TIPIN: variants seen among roughly 807,000 people sequenced by gnomAD.
TIPIN encodes TIMELESS interacting protein.
A neutral mutation model predicts 35.6 loss-of-function variants in TIPIN; 29 were observed. That is an observed-to-expected ratio of 0.82 (90% CI 0.61 to 1.11). The LOEUF (loss-of-function observed/expected upper bound fraction) is 1.11. Among genes scored for constraint, TIPIN ranks in the 50% most tolerant of loss-of-function variants. The pLI is 0.00. For synonymous variants in TIPIN, 102 were observed against 121.5 expected, an observed-to-expected ratio of 0.84 and a Z score of 1.06; for missense variants, 296 against 345.4, an observed-to-expected ratio of 0.86 and a Z score of 1.13.
In TIPIN at chr15:66,362,303, TA is replaced by T. The variant is rs746178230; in HGVS notation, c.-8-9349del. Among the ~76,000 whole-genome samples the T allele has an allele frequency of 7.5e-3, 1,042 of 139,302 alleles. 1 individual carries two copies. Among genetic ancestry groups the T allele is most frequent in the African/African-American group, 0.012 (474 of 37,998 alleles). The allele number at this position is 139,302 out of a possible 152,430, so 91.4% of individuals were successfully genotyped here. A position where few individuals can be genotyped will look rare whatever the true frequency, so the allele number is the denominator to read the frequency against. On this transcript the variant is annotated intron_variant, in intron 1 of 7. Coordinates refer to the TIPIN transcript ENST00000562124. Reference sequence around the variant, plus strand: ...GGGCAACAAAGAGCGAAACTCCATCTAAAAAAAAAAAAAGAAGAAGAAGACT... The same window carrying T: ...GGGCAACAAAGAGCGAAACTCCATCTAAAAAAAAAAAAGAAGAAGAAGACT...
chr15:66,349,243 C>A, intron 5 of TIPIN, 72 bp downstream of exon 5: 1 of 1,600,710 alleles, frequency 6.2e-7, no homozygotes. Context: ...CTTTAAACAG[C>A]AATTTAGCCT....
At position 66,337,166 on chromosome 15, in the gene TIPIN, G is replaced by A. The variant is rs751428475; in HGVS notation, c.698C>T (p.Thr233Ile). Residue 233 changes from threonine (T) to isoleucine (I), a missense_variant, in exon 8 of 8, where the codon ACA (threonine) becomes ATA (isoleucine). Coordinates refer to ENST00000261881, the MANE Select transcript of TIPIN (RefSeq NM_017858.3). Reference sequence around the variant, plus strand: ...CTCTTCAACCGTGTGTGCCCTGGGTGTATTCATTAACATATCTGAAAGAAA... The same window carrying A: ...CTCTTCAACCGTGTGTGCCCTGGGTATATTCATTAACATATCTGAAAGAAA... ...QTLGNDMLMN[T>I]PRAHTVEEVN... 6.2e-6 allele frequency: 10 copies of A among 1,613,152 alleles called. No homozygotes were observed. The highest frequency in any genetic ancestry group is 1.6e-4 in the Middle Eastern group (1 of 6,082).
At chr15:66,376,675 C>A (rs971807596) in intron 1 of TIPIN, among the ~76,000 whole-genome samples, 14 of 151,758 alleles carry the variant, frequency 9.2e-5, no homozygotes, top group South Asian at 2.1e-4. Flanking sequence ...GTGACCCCCC[C>A]ACTCTGGCCT....
chr15:66,365,316 C>T (rs79925235), intron 1 of TIPIN, among the ~76,000 whole-genome samples: 2,390 of 152,216 alleles, frequency 0.016, 64 homozygotes, highest in African/African-American at 0.055. Flanking sequence ...CATTCTAATA[C>T]ATTAACATGC....
intron 1 of TIPIN, among the ~76,000 whole-genome samples, chr15:66,374,135 T>A (rs1217246567): frequency 6.6e-6 from 1 of 152,058 alleles, no homozygotes; most frequent in African/African-American, 2.4e-5. Flanking sequence ...AGGATCTTGC[T>A]ATGTTGCCCA....
At chr15:66,357,771 C>A (rs965643150), upstream of TIPIN, among the ~76,000 whole-genome samples, 9 of 152,066 alleles carry the variant, frequency 5.9e-5, no homozygotes, top group Non-Finnish European at 1.2e-4. Flanking sequence ...GCCTAGCCAA[C>A]GTGGTGAAAC....
intron 1 of TIPIN, among the ~76,000 whole-genome samples, chr15:66,366,193 C>A (rs1439199473): frequency 2.0e-5 from 3 of 151,478 alleles, no homozygotes; most frequent in Non-Finnish European, 4.4e-5. Context: ...CAGTGGCTCA[C>A]ACCTGTAATC....
At position 66,380,024 on chromosome 15, in the gene TIPIN, CGGAGTCT is replaced by C. The variant is rs1938830936; in HGVS notation, c.-9+6576_-9+6582del. The C allele has an allele frequency of 2.6e-5, 11 of 430,232 alleles. No individual in the cohort carries two copies. The Admixed American group carries it at 4.2e-4, about 16-fold the overall frequency. The allele number at this position is 430,232 out of a possible 1,614,324, so 26.7% of individuals were successfully genotyped here. On this transcript the variant is annotated intron_variant, in intron 1 of 7. Transcript: ENST00000562124. ...TTTCTTTTTTTTTTTTTTTTTGAGA[CGGAGTCT>C]CGCTCTGTCACCCAGGCTGGAGTGC...
intron 1 of TIPIN, chr15:66,382,792 G>GAT: frequency 3.1e-6 from 1 of 325,624 alleles, no homozygotes; most frequent in Non-Finnish European, 4.4e-6. Context: ...AGAGCAACCT[G>GAT]ATATGGTTCA....
chr15:66,340,841 C>T (rs2093081475), intron 7 of TIPIN, among the ~76,000 whole-genome samples: 1 of 152,142 alleles, frequency 6.6e-6, no homozygotes, highest in Non-Finnish European at 1.5e-5. Flanking sequence ...AAGCGATCCA[C>T]CTACCTTGGC....
intron 1 of TIPIN, among the ~76,000 whole-genome samples, chr15:66,377,661 G>GTT (rs35845765): frequency 2.9e-4 from 43 of 150,332 alleles, no homozygotes; most frequent in South Asian, 4.2e-4. Flanking sequence ...CAGCGCCTGG[G>GTT]TTTTTTTTTG....
At chr15:66,386,334 A>C (rs1303030201) in intron 1 of TIPIN, 4 of 151,960 alleles carry the variant, frequency 2.6e-5, no homozygotes, top group African/African-American at 9.7e-5. Flanking sequence ...AAAAATCATC[A>C]ATCTGCTCTC....
At chr15:66,363,368 G>A (rs142078679) in intron 1 of TIPIN, among the ~76,000 whole-genome samples, 6,299 of 152,072 alleles carry the variant, frequency 0.041, 314 homozygotes, top group African/African-American at 0.11. Flanking sequence ...ATTAGGCCGG[G>A]CACGGTGGCT....
intron 7 of TIPIN, 21 bp from the exon 8 acceptor site, chr15:66,337,202 A>G: frequency 6.3e-7 from 1 of 1,596,374 alleles, no homozygotes; most frequent in Non-Finnish European, 8.6e-7. Flanking sequence ...TCATACCATT[A>G]TTATTCATTA....
chr15:66,368,117 A>G (rs976261507), intron 1 of TIPIN, among the ~76,000 whole-genome samples: 7 of 152,062 alleles, frequency 4.6e-5, no homozygotes, highest in African/African-American at 1.7e-4. Context: ...CAGGCGTGAG[A>G]CCCTACGCCC....
At chr15:66,347,377 C>A (rs199791828) in intron 6 of TIPIN, 1 of 456,234 alleles carries the variant, frequency 2.2e-6, no homozygotes, top group East Asian at 6.0e-5. Flanking sequence ...CCGAGAGCTG[C>A]GCTCCAAGTG....
At chr15:66,370,118 T>G (rs1016419104) in intron 1 of TIPIN, among the ~76,000 whole-genome samples, 2 of 152,164 alleles carry the variant, frequency 1.3e-5, no homozygotes, top group Non-Finnish European at 2.9e-5. Context: ...AAGTCACGAC[T>G]TCCTTCTCCA....
At chr15:66,375,048 T>G (rs937938696) in intron 1 of TIPIN, among the ~76,000 whole-genome samples, 1 of 152,112 alleles carries the variant, frequency 6.6e-6, no homozygotes, top group Admixed American at 6.6e-5. Context: ...GGATTGTCTA[T>G]CTCTTTTTGT....
At chr15:66,362,912 G>A (rs1188123768) in intron 1 of TIPIN, among the ~76,000 whole-genome samples, 1 of 152,032 alleles carries the variant, frequency 6.6e-6, no homozygotes, top group African/African-American at 2.4e-5. Context: ...TGTATTTGAG[G>A]GACTCCATCT....
Sources: gnomAD v4.1 joint callset for allele counts (sites outside exome capture counted in the v4.1 genomes callset) on GRCh38, gnomAD v4.1.1 for gene constraint, MANE v1.5 for transcripts, NCBI Gene and HGNC (gene_info 2026-07-23, HGNC 2026-07-21) for gene names.